The following ANKRD44 variants were observed in gnomAD, a reference collection of about 807,000 sequenced individuals.
The protein encoded by ANKRD44 is ankyrin repeat domain 44, also known as serine/threonine-protein phosphatase 6 regulatory ankyrin repeat subunit B.
ANKRD44 carries 35 observed loss-of-function variants against 116.0 expected under a neutral mutation model. The ratio of observed to expected loss-of-function variants is 0.30; its 90% CI spans 0.23 to 0.40. The LOEUF (loss-of-function observed/expected upper bound fraction) is 0.40. ANKRD44 is among the 10% of genes least tolerant of loss of function. The pLI, the probability that ANKRD44 is intolerant of heterozygous loss-of-function variation, is 1.00. For synonymous variants in ANKRD44, 435 were observed against 461.8 expected, an observed-to-expected ratio of 0.94 and a Z score of 0.74; for missense variants, 1,014 against 1,242.6, an observed-to-expected ratio of 0.82 and a Z score of 2.77.
At chr2:197,043,646 G>A (rs1454414301) in intron 16 of ANKRD44, among the ~76,000 whole-genome samples, 1 of 151,922 alleles carries the variant, frequency 6.6e-6, no homozygotes, top group Non-Finnish European at 1.5e-5. Flanking sequence ...AAAGGCAGGT[G>A]AAAAAAAATT....
intron 1 of ANKRD44, among the ~76,000 whole-genome samples, chr2:197,253,206 G>T (rs1376014677): frequency 6.6e-6 from 1 of 152,132 alleles, no homozygotes; most frequent in African/African-American, 2.4e-5. Context: ...TTGAGGAAAT[G>T]ATTTTTATAC....
rs1471407039 is a variant in ANKRD44, at chr2:197,032,055, C to T, written c.1651-6788G>A. Among the ~76,000 whole-genome samples the T allele has an allele frequency of 3.9e-5, 6 of 152,172 alleles. No individual in the cohort carries two copies. The East Asian group carries it at 1.2e-3, about 29-fold the overall frequency. On this transcript the variant is annotated intron_variant, in intron 16 of 27. Coordinates refer to ENST00000282272, the MANE Select transcript of ANKRD44 (RefSeq NM_001195144.2). ...GAATAAACTTTTAGTCAAAGGAACA[C>T]AGAATCATTTCCCCCACTATCACAG...
At chr2:196,991,116 G>T (rs1313400319) in intron 27 of ANKRD44, among the ~76,000 whole-genome samples, 1 of 152,148 alleles carries the variant, frequency 6.6e-6, no homozygotes, top group African/African-American at 2.4e-5. Flanking sequence ...GAGGGAGGGG[G>T]AGACATTTTA....
At chr2:197,285,947 C>T (rs975027918) in intron 1 of ANKRD44, among the ~76,000 whole-genome samples, 4 of 152,194 alleles carry the variant, frequency 2.6e-5, no homozygotes, top group Non-Finnish European at 1.5e-5. Context: ...TCAACCATTC[C>T]ATCTCTCACA....
intron 1 of ANKRD44, among the ~76,000 whole-genome samples, chr2:197,267,376 G>T (rs1177480420): frequency 6.6e-6 from 1 of 152,038 alleles, no homozygotes; most frequent in Non-Finnish European, 1.5e-5. Flanking sequence ...TCTCCCTATT[G>T]TGAACAATTG....
intron 1 of ANKRD44, among the ~76,000 whole-genome samples, chr2:197,269,612 C>A (rs1018288204): frequency 1.3e-5 from 2 of 152,146 alleles, no homozygotes; most frequent in Non-Finnish European, 2.9e-5. Context: ...AATCCAAGAA[C>A]TGCAGAGCTG....
chr2:197,213,395 A>G (rs1344327125), intron 1 of ANKRD44, among the ~76,000 whole-genome samples: 1 of 152,218 alleles, frequency 6.6e-6, no homozygotes, highest in Non-Finnish European at 1.5e-5. Flanking sequence ...CAGAGAGCCC[A>G]CTTGGAATTT....
intron 10 of ANKRD44, among the ~76,000 whole-genome samples, chr2:197,093,785 AGGACTT>A (rs1379160095): frequency 6.6e-6 from 1 of 152,228 alleles, no homozygotes; most frequent in Non-Finnish European, 1.5e-5. Context: ...CAGGAAAATT[AGGACTT>A]GGCTGTCTTA....
intron 16 of ANKRD44, among the ~76,000 whole-genome samples, chr2:197,031,893 T>C (rs1333695116): frequency 1.3e-5 from 2 of 152,176 alleles, no homozygotes; most frequent in African/African-American, 4.8e-5. Flanking sequence ...CCAATCTCTG[T>C]TACATACTTG....
At chr2:197,129,390 C>A (rs1223866926) in intron 4 of ANKRD44, among the ~76,000 whole-genome samples, 2 of 152,222 alleles carry the variant, frequency 1.3e-5, no homozygotes, top group Non-Finnish European at 2.9e-5. Context: ...CTGCCTCAGC[C>A]TCCCAAAGTG....
intron 2 of ANKRD44, among the ~76,000 whole-genome samples, chr2:197,155,005 G>A (rs1165631654): frequency 6.6e-6 from 1 of 151,996 alleles, no homozygotes; most frequent in African/African-American, 2.4e-5. Flanking sequence ...TCTAACTCCT[G>A]AAACGAAGAA....
intron 11 of ANKRD44, among the ~76,000 whole-genome samples, chr2:197,089,493 G>A (rs2077995576): frequency 6.6e-6 from 1 of 152,186 alleles, no homozygotes; most frequent in Non-Finnish European, 1.5e-5. Flanking sequence ...CTAGTTGGAG[G>A]AAATCAGCCA....
chr2:197,084,439 T>C (rs944963717), intron 13 of ANKRD44, among the ~76,000 whole-genome samples: 9 of 152,188 alleles, frequency 5.9e-5, no homozygotes, highest in Non-Finnish European at 1.0e-4. Context: ...ATTGCCTTGA[T>C]TTTAGCACTG....
At chr2:197,128,196 C>G (rs1401634715) in intron 4 of ANKRD44, among the ~76,000 whole-genome samples, 1 of 152,174 alleles carries the variant, frequency 6.6e-6, no homozygotes, top group Non-Finnish European at 1.5e-5. Flanking sequence ...ATTTCTGCTT[C>G]TAGATCTTTA....
intron 1 of ANKRD44, among the ~76,000 whole-genome samples, chr2:197,208,429 C>T (rs548934557): frequency 6.6e-6 from 1 of 152,300 alleles, no homozygotes; most frequent in South Asian, 2.1e-4. Flanking sequence ...CCAGGTGGTT[C>T]AGTTCCCAGT....
chr2:197,227,455 G>T (rs2081744070), intron 1 of ANKRD44, among the ~76,000 whole-genome samples: 1 of 152,074 alleles, frequency 6.6e-6, no homozygotes, highest in African/African-American at 2.4e-5. Flanking sequence ...GACAAACTAG[G>T]GTTTAGTGAA....
chr2:197,298,916 CAA>C (rs61013084), intron 1 of ANKRD44, among the ~76,000 whole-genome samples: 6 of 133,550 alleles, frequency 4.5e-5, no homozygotes, highest in Admixed American at 1.5e-4. Flanking sequence ...GATCCTGTTT[CAA>C]AAAAAAAAAA....
intron 1 of ANKRD44, among the ~76,000 whole-genome samples, chr2:197,261,923 C>T (rs998382408): frequency 6.6e-6 from 1 of 152,154 alleles, no homozygotes; most frequent in African/African-American, 2.4e-5. Context: ...ACTCACACCT[C>T]GAAATCATCT....
rs1341096255 is a variant in ANKRD44 at position 197,212,237 on chromosome 2, A to C, written c.28-25131T>G. Among the ~76,000 whole-genome samples, 2 of 152,190 alleles carry C rather than the reference A, an allele frequency of 1.3e-5. No homozygotes were observed. The highest frequency in any genetic ancestry group is 3.9e-4 in the East Asian group (2 of 5,182). ...GCAGATAGGGATCCAGTGGGAGCAC[A>C]CTGGCACCAAACACGAAAGTCATCT... On this transcript the variant is annotated intron_variant, in intron 1 of 27. Transcript: ENST00000282272. The surrounding 1 kb of genome is among the most constrained non-coding windows in gnomAD (Gnocchi z 4.8).
Sources: allele counts gnomAD v4.1 joint callset (sites outside exome capture counted in the v4.1 genomes callset), GRCh38; gene constraint gnomAD v4.1.1; non-coding constraint Gnocchi (gnomAD v3.1); transcripts MANE v1.5; gene names NCBI Gene and HGNC (gene_info 2026-07-23, HGNC 2026-07-21).